SEPTIN4: variants seen among roughly 807,000 people sequenced by gnomAD.
SEPTIN4 encodes the protein septin-4.
Under a neutral mutation model 107.1 loss-of-function variants are expected in SEPTIN4, and 52 were observed. That is an observed-to-expected ratio of 0.49 (90% CI 0.39 to 0.61). The LOEUF (loss-of-function observed/expected upper bound fraction) is 0.61, where lower values mean the gene tolerates loss of function less well. SEPTIN4 is among the 20% of genes least tolerant of loss of function. The pLI is 0.00. For synonymous variants in SEPTIN4, 417 were observed against 467.0 expected (o/e 0.89, Z 1.38); for missense variants, 1,048 against 1,243.5 (o/e 0.84, Z 2.36).
chr17:58,523,889 G>T (rs1378470309), intron 7 of SEPTIN4, among the ~76,000 whole-genome samples: 1 of 152,202 alleles, frequency 6.6e-6, no homozygotes, highest in Non-Finnish European at 1.5e-5. Flanking sequence ...AATTGGAGAG[G>T]TGGTAAGGGC....
chr17:58,520,723 A>C lies in SEPTIN4; in HGVS notation c.2931+20T>G, dbSNP rs761025508. 5.0e-6 allele frequency: 8 copies of C among 1,613,774 alleles called. No homozygotes were observed. In the Admixed American group the frequency reaches 6.7e-5, roughly 13 times the overall value. ...GGTGATCAAACAGGAGACCTCCCCTATACCCCATACTGCTCTCACCTCCTC... is the reference window on the plus strand; with the variant it reads ...GGTGATCAAACAGGAGACCTCCCCTCTACCCCATACTGCTCTCACCTCCTC... On this transcript the variant is annotated intron_variant, in intron 13 of 13. Transcript: ENST00000672673.
At chr17:58,541,997 TTC>T (rs780342949) in intron 1 of SEPTIN4, 31 bp from the exon 2 acceptor site, 17 of 1,609,552 alleles carry the variant, frequency 1.1e-5, no homozygotes, top group Non-Finnish European at 1.4e-5. Flanking sequence ...GTTGCTTTTC[TTC>T]TCTCTGTGGG....
At chr17:58,537,540 A>G (rs1395854754) in intron 3 of SEPTIN4, among the ~76,000 whole-genome samples, 3 of 152,058 alleles carry the variant, frequency 2.0e-5, no homozygotes, top group Non-Finnish European at 4.4e-5. Context: ...TGCTATAAAA[A>G]TCCTCCCAAG....
intron 13 of SEPTIN4, 66 bp from the exon 14 acceptor site, chr17:58,520,551 C>A: frequency 6.3e-7 from 1 of 1,589,980 alleles, no homozygotes; most frequent in Non-Finnish European, 8.6e-7. Flanking sequence ...GAAAGTGCCC[C>A]AAATTTCTAA....
intron 3 of SEPTIN4, 67 bp from the exon 4 acceptor site, chr17:58,527,045 G>A (rs1359116226): frequency 1.2e-6 from 2 of 1,611,194 alleles, no homozygotes; most frequent in African/African-American, 1.3e-5. Context: ...GGAAGAATGA[G>A]GAAGGAGACA....
At chr17:58,522,210 G>T in intron 7 of SEPTIN4, 109 bp from the exon 8 acceptor site, 2 of 1,391,754 alleles carry the variant, frequency 1.4e-6, no homozygotes, top group Non-Finnish European at 2.0e-6. Context: ...TTAAGACACT[G>T]TTATTCCCTG....
rs769070684 is a variant in SEPTIN4, at chr17:58,521,932, C to T, written c.2351+35G>A. 14 of 1,614,128 alleles carry T rather than the reference C, an allele frequency of 8.7e-6. No individual in the cohort carries two copies. In the South Asian group the frequency reaches 1.4e-4, roughly 16 times the overall value. On this transcript the variant is annotated intron_variant, in intron 8 of 13. Coordinates refer to ENST00000672673, the MANE Select transcript of SEPTIN4 (RefSeq NM_001368771.2). This position sits in a 1 kb window ranked among gnomAD's most constrained non-coding sequence, Gnocchi z 6.4. ...TCTTGGCCTGTTCCCTTGACAGCAC[C>T]CGGTGGTGCCAGGAGCCTCAGGCTT... is the stretch of plus-strand genomic sequence containing the variant.
intron 3 of SEPTIN4, chr17:58,531,913 C>T (rs1212039629): frequency 8.8e-7 from 1 of 1,132,582 alleles, no homozygotes; most frequent in Non-Finnish European, 1.1e-6. Flanking sequence ...ACCGGCCCTG[C>T]GCACCCCAGC....
At chr17:58,530,117 C>T (rs2043334504) in intron 3 of SEPTIN4, 1 of 152,230 alleles carries the variant, frequency 6.6e-6, no homozygotes, top group African/African-American at 2.4e-5. Context: ...AGTGTGCACT[C>T]AACTAGGGGT....
At chr17:58,525,582 C>A in intron 6 of SEPTIN4, 113 bp downstream of exon 6, 2 of 919,950 alleles carry the variant, frequency 2.2e-6, no homozygotes, top group South Asian at 2.9e-5. Context: ...TGCTGTCAGT[C>A]TCTCTAGGAG....
At position 58,526,783 on chromosome 17, in the gene SEPTIN4, A is replaced by T. The variant is rs368981958; in HGVS notation, c.1810T>A (p.Ser604Thr). 1.2e-6 allele frequency: 2 copies of T among 1,613,650 alleles called. No individual in the cohort carries two copies. Among genetic ancestry groups the T allele is most frequent in the Non-Finnish European group, 1.7e-6 (2 of 1,179,896 alleles). The part of the protein sequence containing the change: ...LEFRPPSRPQ[S>T]SDNQQYFCAP... ...CAGAAGTACTGCTGGTTGTCAGAGG[A>T]CTGGGGCCGCGAGGGGGGTCTGAAC... is the stretch of plus-strand genomic sequence containing the variant. The change falls in exon 4 of 14, where the codon TCC (serine) becomes ACC (threonine). Residue 604 changes from serine to threonine, a missense_variant. This residue lies in a region of SEPTIN4 where 787 missense variants were observed against 871.8 expected (regional missense o/e 0.90). Transcript: ENST00000672673.
intron 3 of SEPTIN4, among the ~76,000 whole-genome samples, chr17:58,536,512 C>T (rs2043716535): frequency 6.6e-6 from 1 of 152,202 alleles, no homozygotes; most frequent in African/African-American, 2.4e-5. Context: ...CAGCTAGACA[C>T]CATCTCTAGA....
rs1227838341 is a variant in SEPTIN4, at chr17:58,529,437, G to A, written c.1615-2459C>T. The A allele has an allele frequency of 3.6e-6, 5 of 1,377,810 alleles. No homozygotes were observed. The East Asian group carries it at 1.4e-4, about 39-fold the overall frequency. 85.3% of individuals were successfully genotyped at this position (1,377,810 alleles called of 1,614,324 possible). On this transcript the variant is annotated intron_variant, in intron 3 of 13. Coordinates refer to ENST00000672673, the MANE Select transcript of SEPTIN4 (RefSeq NM_001368771.2). ...CAGCTCAGCTGCAGCAGGATCACTT[G>A]GTTCCTCTGCAGTCCCCTCCTCCTC...
At chr17:58,540,128 C>T (rs183351514) in intron 3 of SEPTIN4, among the ~76,000 whole-genome samples, 3 of 152,220 alleles carry the variant, frequency 2.0e-5, no homozygotes, top group Admixed American at 2.0e-4. Flanking sequence ...CCAAGAATAG[C>T]CAAAGTACTT....
In SEPTIN4 at chr17:58,525,064, T is replaced by G; in HGVS notation, c.2216+14A>C. ...GGCTCAGGGGCAGCTGGGATTGTGC[T>G]TACTCAGACATACCACTCTGTGTTG... On this transcript the variant is annotated intron_variant, in intron 7 of 13. Transcript: ENST00000672673. 1.2e-6 allele frequency: 2 copies of G among 1,614,136 alleles called. No individual in the cohort carries two copies. Among genetic ancestry groups the G allele is most frequent in the Non-Finnish European group, 1.7e-6 (2 of 1,179,972 alleles).
rs1451205977 is a variant in SEPTIN4, at chr17:58,538,589, G to C, written c.1614+2077C>G. On this transcript the variant is annotated intron_variant, in intron 3 of 13. Coordinates refer to ENST00000672673, the MANE Select transcript of SEPTIN4 (RefSeq NM_001368771.2). This position sits in a 1 kb window ranked among gnomAD's most constrained non-coding sequence, Gnocchi z 4.7. ...GAAGGCAGCCCCCAGTGACCCATTAGGGCACCCTCAGGACCTTCCTGTTGA... is the reference window on the plus strand; with the variant it reads ...GAAGGCAGCCCCCAGTGACCCATTACGGCACCCTCAGGACCTTCCTGTTGA... 6.6e-6 allele frequency among the ~76,000 whole-genome samples: 1 copy of C among 152,046 alleles called. No homozygotes were observed. Among genetic ancestry groups the C allele is most frequent in the Non-Finnish European group, 1.5e-5 (1 of 68,004 alleles).
chr17:58,537,654 A>C (rs1320303122), intron 3 of SEPTIN4, among the ~76,000 whole-genome samples: 1 of 151,934 alleles, frequency 6.6e-6, no homozygotes, highest in Non-Finnish European at 1.5e-5. Context: ...ACTTGGTGAA[A>C]CCTCGTCTCC....
rs1341726014 is a variant in SEPTIN4 at position 58,526,822 on chromosome 17, C to T, written c.1771G>A (p.Asp591Asn). Residue 591 changes from aspartate (D) to asparagine (N), a missense_variant, in exon 4 of 14, where the codon GAT becomes AAT. By Grantham distance (23) the Asp-to-Asn change is conservative. Coordinates refer to ENST00000672673, the MANE Select transcript of SEPTIN4 (RefSeq NM_001368771.2). ...GGGGGTCTGAACTCCAGGTCATCAT[C>T]ATAGAGGTCCGGGGCCTGGGGCCTT... is the stretch of plus-strand genomic sequence containing the variant. Reference protein sequence around the residue: ...EPRPQAPDLYDDDLEFRPPSR... With the variant: ...EPRPQAPDLYNDDLEFRPPSR... 5.0e-6 allele frequency: 8 copies of T among 1,613,682 alleles called. No individual in the cohort carries two copies. The highest frequency in any genetic ancestry group is 6.8e-6 in the Non-Finnish European group (8 of 1,179,924).
chr17:58,543,923 G>A lies in SEPTIN4; in HGVS notation c.264C>T (p.Pro88=), dbSNP rs759955514. The A allele has an allele frequency of 1.9e-6, 3 of 1,613,884 alleles. No individual in the cohort carries two copies. The highest frequency in any genetic ancestry group is 1.1e-5 in the South Asian group (1 of 91,062). Residue 88 remains proline (P), a synonymous_variant, in exon 1 of 14, where the codon CCC becomes CCT. Transcript: ENST00000672673. ...ATGATTCTGTTCTTGGTCCAGTCTC[G>A]GGTCCCCGAGGAGTGGGTACTGCAT... ...GHYAVPTPRG[P]ETGPRTESSR...
Sources: gnomAD v4.1 joint callset for allele counts (sites outside exome capture counted in the v4.1 genomes callset) on GRCh38, gnomAD v4.1.1 for gene constraint, gnomAD v4.1.1 regional missense constraint, Gnocchi (gnomAD v3.1) non-coding constraint, MANE v1.5 for transcripts, NCBI Gene and HGNC (gene_info 2026-07-23, HGNC 2026-07-21) for gene names.